NLRP12: variants seen among roughly 807,000 people sequenced by gnomAD.
NLRP12 encodes the protein NACHT, LRR and PYD domains-containing protein 12.
Under a neutral mutation model 91.2 loss-of-function variants are expected in NLRP12, and 108 were observed. The observed-to-expected ratio is 1.18, with a 90% CI of 1.01 to 1.39. The LOEUF (loss-of-function observed/expected upper bound fraction) is 1.39. NLRP12 is among the 40% of genes most tolerant of loss of function. The pLI is 0.00. For missense variants in NLRP12, 1,530 were observed against 1,352.7 expected (o/e 1.13, Z -2.06); for synonymous variants, 613 against 566.7 (o/e 1.08, Z -1.16).
intron 1 of NLRP12, among the ~76,000 whole-genome samples, chr19:53,819,939 G>A (rs972996440): frequency 6.6e-6 from 1 of 151,656 alleles, no homozygotes; most frequent in Non-Finnish European, 1.5e-5. Context: ...ACAAACAAGT[G>A]TCTTTGGTTT....
At position 53,810,438 on chromosome 19, in the gene NLRP12, G is replaced by A; in HGVS notation, c.1221C>T (p.Cys407=). Residue 407 remains cysteine, a synonymous_variant, in exon 3 of 10, where the codon TGC becomes TGT. Coordinates refer to ENST00000324134, the MANE Select transcript of NLRP12 (RefSeq NM_144687.4). ...LFTMCFVPLV[C]WVVCTCLQQQ... is the part of the protein sequence containing the mutation. ...GCTGGAGGCAGGTACACACCACCCAGCACACCAGGGGGACGAAGCACATGG... is the reference window on the plus strand; with the variant it reads ...GCTGGAGGCAGGTACACACCACCCAACACACCAGGGGGACGAAGCACATGG... The A allele has an allele frequency of 6.2e-7, 1 of 1,614,004 alleles. No homozygotes were observed. The highest frequency in any genetic ancestry group is 8.5e-7 in the Non-Finnish European group (1 of 1,180,020).
In NLRP12 at chr19:53,805,398, G is replaced by A. The variant is rs2091942257; in HGVS notation, c.2296C>T (p.Leu766Phe). Residue 766 changes from leucine to phenylalanine, a missense_variant, in exon 5 of 10, where the codon CTC (leucine) becomes TTC (phenylalanine). Physicochemically the swap from Leu to Phe is conservative, Grantham distance 22. Coordinates refer to ENST00000324134, the MANE Select transcript of NLRP12 (RefSeq NM_144687.4). ...SSACEDLSAA[L>F]IANKNLTRMD... is the part of the protein sequence containing the mutation. ...CTTGTCAAATTCTTATTGGCTATGAGAGCTGCAGAGAGGTCCTCGCAGGCT... is the reference window on the plus strand; with the variant it reads ...CTTGTCAAATTCTTATTGGCTATGAAAGCTGCAGAGAGGTCCTCGCAGGCT... The A allele has an allele frequency of 6.2e-7, 1 of 1,613,998 alleles. No homozygotes were observed. Among genetic ancestry groups the A allele is most frequent in the African/African-American group, 1.3e-5 (1 of 74,906 alleles).
At position 53,810,658 on chromosome 19, in the gene NLRP12, G is replaced by A. The variant is rs780487558; in HGVS notation, c.1001C>T (p.Pro334Leu). Residue 334 changes from proline (P) to leucine (L), a missense_variant, in exon 3 of 10, where the codon CCT (proline) becomes CTT (leucine). Pro to Leu is a moderately conservative substitution (Grantham distance 98). Coordinates refer to ENST00000324134, the MANE Select transcript of NLRP12 (RefSeq NM_144687.4). ...TGTGGTGATGAGCAAAGATAGCTCA[G>A]GGAGCAGCTTCTTCCGAATTAAGCT... ...LNSLIRKKLL[P>L]ELSLLITTRP... 44 of 1,613,890 alleles carry A rather than the reference G, an allele frequency of 2.7e-5. No homozygotes were observed.
chr19:53,823,485 TTA>T (rs1371833043), intron 1 of NLRP12, among the ~76,000 whole-genome samples: 84 of 101,266 alleles, frequency 8.3e-4, no homozygotes, highest in African/African-American at 2.9e-3. Context: ...AATATATATT[TTA>T]AAATATATTT....
chr19:53,819,441 ATATATATATATATATATG>A lies in NLRP12; in HGVS notation c.289+4427_289+4444del, dbSNP rs1369869481. 2.4e-4 allele frequency among the ~76,000 whole-genome samples: 5 copies of A among 21,172 alleles called. 2 individuals are homozygous for A. Among genetic ancestry groups the A allele is most frequent in the African/African-American group, 7.8e-4 (5 of 6,440 alleles). 13.9% of individuals were successfully genotyped at this position (21,172 alleles called of 152,430 possible). ...TATATATATATATATATATATATAT[ATATATATATATATATATG>A]TGTGTGTGTGTGTGTGTGTGTGTGT... is the stretch of plus-strand genomic sequence containing the variant. On this transcript the variant is annotated intron_variant, in intron 1 of 9. Transcript: ENST00000324134.
Position 53,820,296 on chromosome 19 carries a change from G to A in NLRP12, c.289+3590C>T, listed in dbSNP as rs529649742. On this transcript the variant is annotated intron_variant, in intron 1 of 9. Transcript: ENST00000324134. Reference sequence around the variant, plus strand: ...TGTAATTCCAGCATTTTGGGAGGCCGAGGTGGATGGATCACCTGAGGTTAG... The same window carrying A: ...TGTAATTCCAGCATTTTGGGAGGCCAAGGTGGATGGATCACCTGAGGTTAG... Among the ~76,000 whole-genome samples the A allele has an allele frequency of 1.0e-3, 154 of 152,200 alleles. 3 individuals carry two copies. In the Middle Eastern group the frequency reaches 0.014, roughly 13 times the overall value.
chr19:53,810,451 A>T lies in NLRP12; in HGVS notation c.1208T>A (p.Val403Asp), dbSNP rs760314848. Reference protein sequence around the residue: ...DNEPLFTMCFVPLVCWVVCTC... With the variant: ...DNEPLFTMCFDPLVCWVVCTC... ...ACACACCACCCAGCACACCAGGGGG[A>T]CGAAGCACATGGTGAAGAGAGGCTC... Residue 403 changes from valine to aspartate, a missense_variant, in exon 3 of 10, where the codon GTC (valine) becomes GAC (aspartate). Coordinates refer to ENST00000324134, the MANE Select transcript of NLRP12 (RefSeq NM_144687.4). The T allele has an allele frequency of 1.2e-6, 2 of 1,613,902 alleles. No homozygotes were observed. Among genetic ancestry groups the T allele is most frequent in the South Asian group, 1.1e-5 (1 of 91,072 alleles).
intron 6 of NLRP12, among the ~76,000 whole-genome samples, chr19:53,802,836 T>G (rs925943349): frequency 6.6e-6 from 1 of 152,172 alleles, no homozygotes; most frequent in Non-Finnish European, 1.5e-5. Flanking sequence ...TACAGTGGCT[T>G]GATCACAGCT....
In NLRP12 at chr19:53,810,796, C is replaced by T. The variant is rs776866944; in HGVS notation, c.863G>A (p.Arg288His). The change falls in exon 3 of 10, where the codon CGC becomes CAC. Residue 288 changes from arginine (R) to histidine (H), a missense_variant. By Grantham distance (29) the Arg-to-His change is conservative. Transcript: ENST00000324134. Reference protein sequence around the residue: ...PLQELIRVPERLLFIIDGFDE... With the variant: ...PLQELIRVPEHLLFIIDGFDE... Reference sequence around the variant, plus strand: ...GAAGCCGTCGATGATGAAAAGGAGGCGCTCGGGAACTCGGATGAGCTCCTG... The same window carrying T: ...GAAGCCGTCGATGATGAAAAGGAGGTGCTCGGGAACTCGGATGAGCTCCTG... 9 of 1,613,880 alleles carry T rather than the reference C, an allele frequency of 5.6e-6. No homozygotes were observed. Among genetic ancestry groups the T allele is most frequent in the Middle Eastern group, 1.6e-4 (1 of 6,084 alleles).
chr19:53,798,311 C>T lies in NLRP12; in HGVS notation c.2859G>A (p.Leu953=). 1.9e-6 allele frequency: 3 copies of T among 1,614,176 alleles called. No individual in the cohort carries two copies. The highest frequency in any genetic ancestry group is 3.3e-4 in the Middle Eastern group (2 of 6,062). The change falls in exon 8 of 10, where the codon CTG becomes CTA. Residue 953 remains leucine (L), a synonymous_variant. Coordinates refer to ENST00000324134, the MANE Select transcript of NLRP12 (RefSeq NM_144687.4). ...LRELDLSFND[L]GDWGLWLLAE... ...CCAGCAACCACAGGCCCCAGTCTCC[C>T]AGGTCGTTGAAACTCAAGTCCAGCT...
At position 53,810,575 on chromosome 19, in the gene NLRP12, T is replaced by C; in HGVS notation, c.1084A>G (p.Ile362Val). 1.2e-6 allele frequency: 2 copies of C among 1,613,866 alleles called. No individual in the cohort carries two copies. Among genetic ancestry groups the C allele is most frequent in the South Asian group, 1.1e-5 (1 of 91,064 alleles). Residue 362 changes from isoleucine (I) to valine (V), a missense_variant, in exon 3 of 10, where the codon ATC becomes GTC. By Grantham distance (29) the Ile-to-Val change is conservative. Coordinates refer to ENST00000324134, the MANE Select transcript of NLRP12 (RefSeq NM_144687.4). ...RLLEHPRHVE[I>V]LGFSEAERKE... is the part of the protein sequence containing the mutation. ...CTTTCTGCCTCAGAGAAGCCCAGGA[T>C]CTCCACATGCCTGGGGTGCTCCAGC...
chr19:53,794,825 C>G (rs1211641086), intron 9 of NLRP12, among the ~76,000 whole-genome samples: 1 of 151,838 alleles, frequency 6.6e-6, no homozygotes. Context: ...TGCCACCATG[C>G]CTGGCTAATT....
At chr19:53,805,549 GCT>G (rs778624191) in intron 4 of NLRP12, 99 bp from the exon 5 acceptor site, 8 of 1,310,118 alleles carry the variant, frequency 6.1e-6, no homozygotes, top group Non-Finnish European at 8.4e-6. Context: ...AGACAGAGTC[GCT>G]CTGTCACCCA....
At position 53,810,429 on chromosome 19, in the gene NLRP12, C is replaced by CA; in HGVS notation, c.1229dup (p.Cys411ValfsTer67). 6.2e-7 allele frequency: 1 copy of CA among 1,614,018 alleles called. No individual in the cohort carries two copies. The highest frequency in any genetic ancestry group is 8.5e-7 in the Non-Finnish European group (1 of 1,180,030). ...CCAGCTGCTGCTGGAGGCAGGTACA[C>CA]ACCACCCAGCACACCAGGGGGACGA... On this transcript the variant is annotated frameshift_variant, in exon 3 of 10. Coordinates refer to ENST00000324134, the MANE Select transcript of NLRP12 (RefSeq NM_144687.4). LOFTEE classifies it high-confidence loss of function.
At position 53,801,054 on chromosome 19, in the gene NLRP12, T is replaced by G. The variant is rs8112341; in HGVS notation, c.2756+173A>C. 0.47 allele frequency among the ~76,000 whole-genome samples: 71,205 copies of G among 150,314 alleles called. 19,853 individuals carry two copies. Among genetic ancestry groups the G allele is most frequent in the African/African-American group, 0.79 (32,111 of 40,760 alleles). ...TAAAAATACAAAAAATTAGCTGGGC[T>G]TGGTGGCGGGCGCCTGTAATCTCAG... On this transcript the variant is annotated intron_variant, in intron 7 of 9. Transcript: ENST00000324134.
rs111272156 is a variant in NLRP12, at chr19:53,805,723, G to A, written c.2244-273C>T. Reference sequence around the variant, plus strand: ...AGTAGAGATGGGGTTTCACCATGTTGGCCAGGCTGGTCTTGAACTCCTGGG... The same window carrying A: ...AGTAGAGATGGGGTTTCACCATGTTAGCCAGGCTGGTCTTGAACTCCTGGG... On this transcript the variant is annotated intron_variant, in intron 4 of 9. Coordinates refer to ENST00000324134, the MANE Select transcript of NLRP12 (RefSeq NM_144687.4). 3,312 of 439,600 alleles carry A rather than the reference G, an allele frequency of 7.5e-3. 94 individuals carry two copies. The highest frequency in any genetic ancestry group is 0.058 in the African/African-American group (2,891 of 49,514). 27.2% of individuals were successfully genotyped at this position (439,600 alleles called of 1,614,324 possible).
rs1464552484 is a variant in NLRP12 at position 53,795,909 on chromosome 19, T to A, written c.3048A>T (p.Arg1016=). The A allele has an allele frequency of 1.9e-6, 3 of 1,614,036 alleles. No homozygotes were observed. The Admixed American group carries it at 5.0e-5, about 27-fold the overall frequency. The change falls in exon 9 of 10, where the codon CGA becomes CGT. Residue 1016 remains arginine (R), a synonymous_variant. Coordinates refer to ENST00000324134, the MANE Select transcript of NLRP12 (RefSeq NM_144687.4). ...TNNALGDTGV[R]LLCKRLSHPG... ...GATGGCTCAGCCGCTTGCAAAGCAG[T>A]CGGACACCTGTGTCCCCTAGGGCGT...
chr19:53,823,627 C>G (rs954027238), intron 1 of NLRP12, among the ~76,000 whole-genome samples: 1 of 151,054 alleles, frequency 6.6e-6, no homozygotes, highest in Non-Finnish European at 1.5e-5. Context: ...TAGCTCACCG[C>G]AGCCTCGACC....
chr19:53,805,853 T>A (rs2091950792), intron 4 of NLRP12: 1 of 259,190 alleles, frequency 3.9e-6, no homozygotes, highest in Non-Finnish European at 7.6e-6. Context: ...TTATATATGA[T>A]AAATTTTACC....
Sources: gnomAD v4.1 joint callset for allele counts (sites outside exome capture counted in the v4.1 genomes callset) on GRCh38, gnomAD v4.1.1 for gene constraint, MANE v1.5 for transcripts, NCBI Gene and HGNC (gene_info 2026-07-23, HGNC 2026-07-21) for gene names.